TMIGD2: variants seen among roughly 807,000 people sequenced by gnomAD.
TMIGD2 encodes transmembrane and immunoglobulin domain-containing protein 2.
A neutral mutation model predicts 22.6 loss-of-function variants in TMIGD2; 18 were observed. The observed-to-expected ratio is 0.80, with a 90% CI of 0.55 to 1.18. The LOEUF (loss-of-function observed/expected upper bound fraction) is 1.18. TMIGD2 is among the 50% of genes most tolerant of loss of function. The pLI, the probability that TMIGD2 is intolerant of heterozygous loss-of-function variation, is 0.00. For synonymous variants in TMIGD2, 184 were observed against 154.1 expected (o/e 1.19, Z -1.44); for missense variants, 361 against 378.2 (o/e 0.95, Z 0.38).
intron 2 of TMIGD2, among the ~76,000 whole-genome samples, chr19:4,295,273 AAAG>A (rs1466828412): frequency 5.3e-5 from 8 of 149,862 alleles, no homozygotes; most frequent in East Asian, 1.9e-4. Context: ...AAAAAAAAAA[AAAG>A]AAGGCCAGGC....
intron 1 of TMIGD2, among the ~76,000 whole-genome samples, chr19:4,298,728 C>T (rs1232782532): frequency 6.6e-6 from 1 of 151,946 alleles, no homozygotes; most frequent in Non-Finnish European, 1.5e-5. Context: ...AAAGCAACAC[C>T]CTGTCTCTAA....
chr19:4,296,848 G>A (rs1971467427), intron 2 of TMIGD2, among the ~76,000 whole-genome samples: 2 of 152,188 alleles, frequency 1.3e-5, no homozygotes, highest in Non-Finnish European at 2.9e-5. Context: ...AGAGCAGGAG[G>A]CAAAGCCTGC....
intron 2 of TMIGD2, among the ~76,000 whole-genome samples, chr19:4,295,947 C>T (rs1277885322): frequency 6.6e-6 from 1 of 152,098 alleles, no homozygotes; most frequent in Non-Finnish European, 1.5e-5. Context: ...GAGACAGGGT[C>T]GCTCTGTGTC....
intron 1 of TMIGD2, among the ~76,000 whole-genome samples, chr19:4,298,779 G>T (rs955075864): frequency 1.3e-5 from 2 of 152,074 alleles, no homozygotes. Context: ...CTCACTGTCT[G>T]TATGACCTTT....
At chr19:4,295,023 G>T (rs1236070961) in intron 2 of TMIGD2, among the ~76,000 whole-genome samples, 1 of 152,062 alleles carries the variant, frequency 6.6e-6, no homozygotes, top group Non-Finnish European at 1.5e-5. Flanking sequence ...CACTCTGGGA[G>T]GCTGAGGCAG....
Position 4,298,518 on chromosome 19 carries a change from C to T in TMIGD2, c.47-173G>A, listed in dbSNP as rs1024768897. On this transcript the variant is annotated intron_variant, in intron 1 of 4. Coordinates refer to ENST00000301272, the Ensembl canonical transcript of TMIGD2. ...TTGGAAGCCCGAGGTGGGAGGATTG[C>T]TTGAGCCCAGGAGTTCCAGACCAGC... Among the ~76,000 whole-genome samples, 6 of 152,172 alleles carry T rather than the reference C, an allele frequency of 3.9e-5. No individual in the cohort carries two copies. The South Asian group carries it at 1.0e-3, about 26-fold the overall frequency.
intron 4 of TMIGD2, among the ~76,000 whole-genome samples, chr19:4,293,565 T>G (rs1971416653): frequency 6.6e-6 from 1 of 151,278 alleles, no homozygotes; most frequent in Non-Finnish European, 1.5e-5. Context: ...CGGCCAATTT[T>G]TTTTTTTTTT....
At chr19:4,293,428 T>G (rs1354465154) in intron 4 of TMIGD2, among the ~76,000 whole-genome samples, 1 of 149,788 alleles carries the variant, frequency 6.7e-6, no homozygotes, top group African/African-American at 2.5e-5. Flanking sequence ...GTCTGGCTAA[T>G]TTTTTGTATT....
At chr19:4,292,728 G>C (rs774273653) in exon 5 of TMIGD2, 3 of 1,609,016 alleles carry the variant, frequency 1.9e-6, no homozygotes, top group Non-Finnish European at 2.5e-6. Flanking sequence ...GGCTGGGGCA[G>C]GGTCTTGACG....
At chr19:4,292,695 C>CCTGGGG (rs1568371490) in exon 5 of TMIGD2, 20 of 1,603,322 alleles carry the variant, frequency 1.2e-5, no homozygotes, top group Non-Finnish European at 1.6e-5. Context: ...GGTGGCCGGG[C>CCTGGGG]CTGGGGCTGG....
chr19:4,295,547 G>A (rs958349368), intron 2 of TMIGD2, among the ~76,000 whole-genome samples: 12 of 151,592 alleles, frequency 7.9e-5, no homozygotes, highest in African/African-American at 1.2e-4. Flanking sequence ...GCGACAGAGC[G>A]AGACTGTCTC....
In TMIGD2 at chr19:4,297,984, A is replaced by C. The variant is rs1971483418; in HGVS notation, c.406+2T>G. The C allele has an allele frequency of 6.4e-7, 1 of 1,574,566 alleles. No homozygotes were observed. Among genetic ancestry groups the C allele is most frequent in the African/African-American group, 1.3e-5 (1 of 74,098 alleles). On this transcript the variant is annotated splice_donor_variant, in intron 2 of 4. Transcript: ENST00000301272. LOFTEE classifies it high-confidence loss of function. The stretch of plus-strand genomic sequence containing the variant: ...CCTCCCTCTCCCCGCTGGCTCCCGT[A>C]CCTGGGTCCACAAAGAGCCTTGTTA...
exon 2 of TMIGD2, chr19:4,298,001 G>T: frequency 6.2e-7 from 1 of 1,600,278 alleles, no homozygotes; most frequent in Non-Finnish European, 8.5e-7. Context: ...TCCACAAAGA[G>T]CCTTGTTATG....
At chr19:4,300,223 T>C (rs1280943751) in intron 1 of TMIGD2, among the ~76,000 whole-genome samples, 3 of 149,034 alleles carry the variant, frequency 2.0e-5, no homozygotes, top group Non-Finnish European at 3.0e-5. Context: ...ATCGTGCCAC[T>C]GCACTCCAGC....
chr19:4,294,859 C>T, intron 2 of TMIGD2, 43 bp from the exon 3 acceptor site: 1 of 1,529,862 alleles, frequency 6.5e-7, no homozygotes, highest in Non-Finnish European at 8.8e-7. Flanking sequence ...CAGGCTTCTC[C>T]ACCCTCCAAG....
Position 4,293,009 on chromosome 19 carries a change from G to C in TMIGD2, c.563-124C>G, listed in dbSNP as rs188470087. Reference sequence around the variant, plus strand: ...GACGGAGTCTCACTCTGTCGCCCAGGCTGGAGTGCAGTGGCGCAATCTCGG... The same window carrying C: ...GACGGAGTCTCACTCTGTCGCCCAGCCTGGAGTGCAGTGGCGCAATCTCGG... On this transcript the variant is annotated intron_variant, in intron 4 of 4. Coordinates refer to ENST00000301272, the Ensembl canonical transcript of TMIGD2. 2.6e-4 allele frequency: 370 copies of C among 1,443,790 alleles called. 2 individuals carry two copies. In the East Asian group the frequency reaches 6.7e-3, roughly 26 times the overall value. 89.4% of individuals were successfully genotyped at this position (1,443,790 alleles called of 1,614,324 possible). A position where few individuals can be genotyped will look rare whatever the true frequency, so the allele number is the denominator to read the frequency against.
chr19:4,296,110 G>A (rs1305084714), intron 2 of TMIGD2, among the ~76,000 whole-genome samples: 1 of 152,154 alleles, frequency 6.6e-6, no homozygotes, highest in Non-Finnish European at 1.5e-5. Context: ...GTAGAGATGA[G>A]GTCTTGCTGT....
At chr19:4,295,473 T>C (rs1356672732) in intron 2 of TMIGD2, among the ~76,000 whole-genome samples, 1 of 151,048 alleles carries the variant, frequency 6.6e-6, no homozygotes, top group Non-Finnish European at 1.5e-5. Flanking sequence ...GGCAGGAGAA[T>C]GGTGTGAACC....
exon 2 of TMIGD2, chr19:4,298,151 A>G: frequency 6.2e-7 from 1 of 1,613,364 alleles, no homozygotes; most frequent in Non-Finnish European, 8.5e-7. Flanking sequence ...TGGGGCCCGC[A>G]GACCCCCAGG....
Sources: gnomAD v4.1 joint callset for allele counts (sites outside exome capture counted in the v4.1 genomes callset) on GRCh38, gnomAD v4.1.1 for gene constraint, MANE v1.5 for transcripts, NCBI Gene and HGNC (gene_info 2026-07-23, HGNC 2026-07-21) for gene names.